The following DOCK4 variants were observed in gnomAD, a reference collection of about 807,000 sequenced individuals.
DOCK4 encodes dedicator of cytokinesis 4.
A neutral mutation model predicts 268.1 loss-of-function variants in DOCK4; 97 were observed. The observed-to-expected ratio is 0.36, with a 90% CI of 0.31 to 0.43. The LOEUF (loss-of-function observed/expected upper bound fraction) is 0.43. Among genes scored for constraint, DOCK4 ranks in the 20% least tolerant of loss-of-function variants. The pLI is 1.00. For synonymous variants in DOCK4, 954 were observed against 887.2 expected, an observed-to-expected ratio of 1.08 and a Z score of -1.34; for missense variants, 2,145 against 2,455.7, an observed-to-expected ratio of 0.87 and a Z score of 2.67.
At chr7:111,931,204 C>A (rs118167061) in intron 12 of DOCK4, among the ~76,000 whole-genome samples, 1 of 152,248 alleles carries the variant, frequency 6.6e-6, no homozygotes, top group Non-Finnish European at 1.5e-5. Flanking sequence ...GGAATCTGAG[C>A]ATCACAGCAG....
intron 30 of DOCK4, among the ~76,000 whole-genome samples, chr7:111,801,133 G>A (rs566375353): frequency 6.6e-6 from 1 of 152,168 alleles, no homozygotes; most frequent in Non-Finnish European, 1.5e-5. Flanking sequence ...GCCACCTCCG[G>A]ATAACACCAT....
At chr7:111,894,382 T>C (rs1401381666) in intron 16 of DOCK4, among the ~76,000 whole-genome samples, 3 of 152,294 alleles carry the variant, frequency 2.0e-5, no homozygotes, top group African/African-American at 7.2e-5. Context: ...TACATAGCTG[T>C]TGTTCTCGAG....
intron 42 of DOCK4, among the ~76,000 whole-genome samples, chr7:111,749,075 G>C (rs1796466588): frequency 6.6e-6 from 1 of 152,142 alleles, no homozygotes; most frequent in African/African-American, 2.4e-5. Context: ...TACCATAGAA[G>C]TCAGGATAGT....
chr7:111,763,498 T>C (rs1261645319), intron 39 of DOCK4, among the ~76,000 whole-genome samples: 2 of 152,256 alleles, frequency 1.3e-5, no homozygotes, highest in Non-Finnish European at 2.9e-5. Flanking sequence ...ACAAAATTTA[T>C]TCTATTTGCT....
chr7:111,895,037 C>G (rs1011299225), intron 16 of DOCK4, among the ~76,000 whole-genome samples: 1 of 152,140 alleles, frequency 6.6e-6, no homozygotes, highest in Non-Finnish European at 1.5e-5. Flanking sequence ...ATTTTTTACC[C>G]TATAGTTCAT....
chr7:112,004,791 A>G (rs1488224630), intron 1 of DOCK4, among the ~76,000 whole-genome samples: 1 of 152,164 alleles, frequency 6.6e-6, no homozygotes, highest in African/African-American at 2.4e-5. Context: ...CACTTGCACA[A>G]TACCACTTGG....
intron 1 of DOCK4, among the ~76,000 whole-genome samples, chr7:112,169,675 G>A (rs1205853632): frequency 2.6e-5 from 4 of 152,096 alleles, no homozygotes; most frequent in East Asian, 1.9e-4. Flanking sequence ...CACCTTTCTC[G>A]TGTAGCCTTT....
At chr7:111,951,399 A>AGTTGTGTGGTCAGTCAAGGATGGG (rs1796034683) in intron 8 of DOCK4, among the ~76,000 whole-genome samples, 1 of 152,126 alleles carries the variant, frequency 6.6e-6, no homozygotes, top group Non-Finnish European at 1.5e-5. Flanking sequence ...AGTTGGCCAA[A>AGTTGTGTGGTCAGTCAAGGATGGG]GTTGTGTGGT....
chr7:111,975,112 C>T (rs1253758592), intron 8 of DOCK4, among the ~76,000 whole-genome samples: 1 of 152,024 alleles, frequency 6.6e-6, no homozygotes, highest in Non-Finnish European at 1.5e-5. Flanking sequence ...ACTAAAAATA[C>T]AAAAATTAGC....
intron 7 of DOCK4, among the ~76,000 whole-genome samples, chr7:111,981,559 A>G (rs1013209210): frequency 3.0e-4 from 45 of 152,352 alleles, no homozygotes; most frequent in African/African-American, 1.0e-3. Flanking sequence ...AAAAAGAAAA[A>G]GAAACTGCCT....
chr7:111,796,573 A>G (rs1052091787), intron 30 of DOCK4, among the ~76,000 whole-genome samples: 7 of 152,240 alleles, frequency 4.6e-5, no homozygotes, highest in African/African-American at 1.4e-4. Context: ...ACGTTCTTCT[A>G]AGGCACCTAT....
At chr7:111,824,800 C>T (rs1802271216) in intron 26 of DOCK4, among the ~76,000 whole-genome samples, 1 of 152,100 alleles carries the variant, frequency 6.6e-6, no homozygotes, top group Non-Finnish European at 1.5e-5. Flanking sequence ...CATTTATCTC[C>T]CACTATAAAA....
intron 1 of DOCK4, among the ~76,000 whole-genome samples, chr7:112,139,814 G>A (rs903692609): frequency 6.6e-6 from 1 of 152,196 alleles, no homozygotes; most frequent in Non-Finnish European, 1.5e-5. Context: ...GAGGGCAAGA[G>A]AATTGAGATA....
At chr7:111,982,629 A>G (rs1185801030) in intron 7 of DOCK4, among the ~76,000 whole-genome samples, 6 of 152,188 alleles carry the variant, frequency 3.9e-5, no homozygotes, top group African/African-American at 1.4e-4. Context: ...GACCCAAATA[A>G]CTGGTAAAAG....
At chr7:112,139,162 C>A (rs1814653785) in intron 1 of DOCK4, among the ~76,000 whole-genome samples, 1 of 152,138 alleles carries the variant, frequency 6.6e-6, no homozygotes, top group Admixed American at 6.6e-5. Context: ...CGCTGCAAAT[C>A]CTCCTGTAAC....
intron 1 of DOCK4, among the ~76,000 whole-genome samples, chr7:112,042,366 T>C (rs1240992578): frequency 6.6e-6 from 1 of 152,146 alleles, no homozygotes; most frequent in Non-Finnish European, 1.5e-5. Flanking sequence ...AAGATCATCT[T>C]GAAAGTGTGA....
At chr7:111,799,805 T>G (rs949602250) in intron 30 of DOCK4, among the ~76,000 whole-genome samples, 1 of 152,220 alleles carries the variant, frequency 6.6e-6, no homozygotes, top group African/African-American at 2.4e-5. Flanking sequence ...TTTGTAACTT[T>G]ATAAACCCAC....
chr7:111,769,686 C>A lies in DOCK4; in HGVS notation c.3680-9G>T. ...GAGGGTATATGCAGCTTCTGCAAGT[C>A]ACGTGAGAAGACAATGATTGAGACA... On this transcript the variant is annotated splice_polypyrimidine_tract_variant and intron_variant, in intron 36 of 52. Transcript: ENST00000428084. 1.2e-6 allele frequency: 2 copies of A among 1,612,132 alleles called. No individual in the cohort carries two copies. The highest frequency in any genetic ancestry group is 2.2e-5 in the South Asian group (2 of 90,818).
At chr7:112,041,934 G>A (rs997237643) in intron 1 of DOCK4, among the ~76,000 whole-genome samples, 7 of 152,092 alleles carry the variant, frequency 4.6e-5, no homozygotes, top group African/African-American at 1.4e-4. Flanking sequence ...GCCTATGGGC[G>A]TATAGGGGAA....
Sources: allele counts gnomAD v4.1 joint callset (sites outside exome capture counted in the v4.1 genomes callset), GRCh38; gene constraint gnomAD v4.1.1; transcripts MANE v1.5; gene names NCBI Gene and HGNC (gene_info 2026-07-23, HGNC 2026-07-21).